The following GPT2 variants were observed in gnomAD, a reference collection of about 807,000 sequenced individuals.
The protein encoded by GPT2 is glutamic--pyruvic transaminase 2.
Under a neutral mutation model 56.9 loss-of-function variants are expected in GPT2, and 30 were observed. The ratio of observed to expected loss-of-function variants is 0.53; its 90% CI spans 0.39 to 0.72. The LOEUF is 0.72. Among genes scored for constraint, GPT2 ranks in the 30% least tolerant of loss-of-function variants. GPT2 has a pLI of 0.00. For missense variants in GPT2, 542 were observed against 703.4 expected (o/e 0.77, Z 2.60); for synonymous variants, 271 against 283.1 (o/e 0.96, Z 0.43).
chr16:46,897,749 C>CCAGG lies in GPT2; in HGVS notation c.333+13_333+16dup. ...CCTTCCTCCGGCAGGTGAGCCGCCC[C>CCAGG]CAGGAGCAGAGGCTGCAGGAGGGCA... On this transcript the variant is annotated intron_variant, in intron 3 of 11. Coordinates refer to ENST00000340124, the MANE Select transcript of GPT2 (RefSeq NM_133443.4). 6.2e-7 allele frequency: 1 copy of CCAGG among 1,613,432 alleles called. No homozygotes were observed. Among genetic ancestry groups the CCAGG allele is most frequent in the East Asian group, 2.2e-5 (1 of 44,872 alleles).
rs867285804 is a variant in GPT2, at chr16:46,900,575, G to A, written c.334-107G>A. 1.7e-4 allele frequency: 135 copies of A among 814,266 alleles called. 1 individual carries two copies. The Middle Eastern group carries it at 3.1e-3, about 19-fold the overall frequency. The allele number at this position is 814,266 out of a possible 1,614,324, so 50.4% of individuals were successfully genotyped here. A position where few individuals can be genotyped will look rare whatever the true frequency, so the allele number is the denominator to read the frequency against. On this transcript the variant is annotated intron_variant, in intron 3 of 11. Transcript: ENST00000340124. ...GCTGAGTCCTCGCAGAGAGGCTTGC[G>A]TCAGCCCCATCCCTGGGAGCTGTCA...
In GPT2 at chr16:46,930,652, A is replaced by G. The variant is rs1961526587; in HGVS notation, c.*1655A>G. 6.6e-6 allele frequency: 1 copy of G among 152,566 alleles called. No individual in the cohort carries two copies. The highest frequency in any genetic ancestry group is 1.5e-5 in the Non-Finnish European group (1 of 68,036). The allele number at this position is 152,566 out of a possible 1,614,324, so 9.5% of individuals were successfully genotyped here. On this transcript the variant is annotated 3_prime_UTR_variant, in exon 12 of 12. Transcript: ENST00000340124. Reference sequence around the variant, plus strand: ...AACCAGGATTAGTCCCAGGGTCGTGAGGTTTCTGGTGAAAAGGTTAAATCG... The same window carrying G: ...AACCAGGATTAGTCCCAGGGTCGTGGGGTTTCTGGTGAAAAGGTTAAATCG...
Position 46,929,870 on chromosome 16 carries a change from G to A in GPT2, c.*873G>A, listed in dbSNP as rs1306947121. On this transcript the variant is annotated 3_prime_UTR_variant, in exon 12 of 12. Coordinates refer to ENST00000340124, the MANE Select transcript of GPT2 (RefSeq NM_133443.4). ...GGGTGACCGGTGCCTGTTCTCCCCT[G>A]ACCGAGCCTGTGAGCACATCGCCCC... 1 of 152,468 alleles carries A rather than the reference G, an allele frequency of 6.6e-6. No individual in the cohort carries two copies. Among genetic ancestry groups the A allele is most frequent in the Admixed American group, 6.5e-5 (1 of 15,288 alleles). The allele number at this position is 152,468 out of a possible 1,614,324, so 9.4% of individuals were successfully genotyped here. A position where few individuals can be genotyped will look rare whatever the true frequency, so the allele number is the denominator to read the frequency against.
Position 46,900,701 on chromosome 16 carries a change from A to T in GPT2, c.353A>T (p.Tyr118Phe), listed in dbSNP as rs1208851534. ...FLRQVMALCT[Y>F]PNLLDSPSFP... ...CCCCAGGTGATGGCACTATGCACCT[A>T]CCCAAACCTGCTGGACAGCCCCAGC... is the stretch of plus-strand genomic sequence containing the variant. The change falls in exon 4 of 12, where the codon TAC (tyrosine) becomes TTC (phenylalanine). Residue 118 changes from tyrosine (Y) to phenylalanine (F), a missense_variant. Physicochemically the swap from Tyr to Phe is conservative, Grantham distance 22. Coordinates refer to ENST00000340124, the MANE Select transcript of GPT2 (RefSeq NM_133443.4). 6.2e-7 allele frequency: 1 copy of T among 1,613,842 alleles called. No homozygotes were observed. The highest frequency in any genetic ancestry group is 1.1e-5 in the South Asian group (1 of 91,082).
chr16:46,905,263 G>A (rs949797515), intron 4 of GPT2, among the ~76,000 whole-genome samples: 8 of 152,112 alleles, frequency 5.3e-5, no homozygotes, highest in Non-Finnish European at 1.0e-4. Flanking sequence ...TGGCCAGGCT[G>A]GTCTCGAACT....
chr16:46,886,337 C>T (rs955548831), intron 2 of GPT2, among the ~76,000 whole-genome samples: 1 of 152,186 alleles, frequency 6.6e-6, no homozygotes, highest in African/African-American at 2.4e-5. Flanking sequence ...CAGCTGATTT[C>T]TCTGGTTCCT....
chr16:46,906,117 A>C (rs773404764), intron 4 of GPT2, among the ~76,000 whole-genome samples: 31 of 152,164 alleles, frequency 2.0e-4, no homozygotes, highest in South Asian at 4.2e-4. Context: ...GTTTCACTCC[A>C]GGCTGGAGTG....
chr16:46,924,016 C>T (rs899226355), intron 9 of GPT2: 5 of 358,798 alleles, frequency 1.4e-5, no homozygotes, highest in Admixed American at 1.1e-4. Context: ...TGTCTGTGTG[C>T]CCCACACCCC....
At chr16:46,922,141 G>C in intron 8 of GPT2, 101 bp from the exon 9 acceptor site, 1 of 1,086,054 alleles carries the variant, frequency 9.2e-7, no homozygotes, top group Non-Finnish European at 1.4e-6. Flanking sequence ...CTGGCCATTT[G>C]GTGTTGGGTG....
intron 2 of GPT2, among the ~76,000 whole-genome samples, chr16:46,888,684 C>T (rs1344679632): frequency 8.5e-5 from 13 of 152,208 alleles, no homozygotes; most frequent in Admixed American, 3.3e-4. Context: ...GGGTCTCGCT[C>T]TATTGCCTAG....
chr16:46,926,191 G>T (rs181505176), intron 10 of GPT2, among the ~76,000 whole-genome samples: 17 of 149,900 alleles, frequency 1.1e-4, no homozygotes, highest in Admixed American at 3.3e-4. Flanking sequence ...GCTCACGCCT[G>T]TAATCCCAGC....
At chr16:46,915,469 C>T (rs1961130846) in intron 6 of GPT2, 3 of 150,302 alleles carry the variant, frequency 2.0e-5, no homozygotes, top group Non-Finnish European at 4.4e-5. Flanking sequence ...CCCCACCACA[C>T]CTGCACACAC....
At chr16:46,885,099 T>A in intron 2 of GPT2, 141 bp downstream of exon 2, 1 of 1,353,858 alleles carries the variant, frequency 7.4e-7, no homozygotes, top group Non-Finnish European at 9.5e-7. Context: ...AACGAGAGAA[T>A]GCCCCCTCCC....
At chr16:46,919,665 T>A (rs1387878838) in intron 8 of GPT2, among the ~76,000 whole-genome samples, 1 of 152,186 alleles carries the variant, frequency 6.6e-6, no homozygotes, top group Non-Finnish European at 1.5e-5. Context: ...CTTTGCTGAT[T>A]GTATTTTTCA....
Position 46,909,820 on chromosome 16 carries a change from A to G in GPT2, c.713A>G (p.Glu238Gly), listed in dbSNP as rs867187087. 1.2e-6 allele frequency: 2 copies of G among 1,614,152 alleles called. No homozygotes were observed. Among genetic ancestry groups the G allele is most frequent in the Middle Eastern group, 3.3e-4 (2 of 6,062 alleles). Reference protein sequence around the residue: ...AIQVNYYLDEENCWALNVNEL... With the variant: ...AIQVNYYLDEGNCWALNVNEL... Reference sequence around the variant, plus strand: ...CAGGTGAATTACTACCTGGACGAGGAGAACTGCTGGGCGCTGAATGTGAAT... The same window carrying G: ...CAGGTGAATTACTACCTGGACGAGGGGAACTGCTGGGCGCTGAATGTGAAT... The change falls in exon 6 of 12, where the codon GAG (glutamate) becomes GGG (glycine). Residue 238 changes from glutamate to glycine, a missense_variant. Physicochemically the swap from Glu to Gly is moderately conservative, Grantham distance 98. Transcript: ENST00000340124.
intron 6 of GPT2, chr16:46,916,011 C>T (rs1304887412): frequency 6.6e-6 from 1 of 151,356 alleles, no homozygotes; most frequent in Non-Finnish European, 1.5e-5. Context: ...CCCCACCACA[C>T]CTACAAATAC....
chr16:46,929,083 C>A lies in GPT2; in HGVS notation c.*86C>A. The stretch of plus-strand genomic sequence containing the variant: ...TGAACTCGCCTCCCCCGTGACTCTG[C>A]CTCGGGCCTCGCAGAGGCCGCTGGT... On this transcript the variant is annotated 3_prime_UTR_variant, in exon 12 of 12. Transcript: ENST00000340124. 9.7e-7 allele frequency: 1 copy of A among 1,032,012 alleles called. No individual in the cohort carries two copies. The highest frequency in any genetic ancestry group is 1.5e-6 in the Non-Finnish European group (1 of 659,236). The allele number at this position is 1,032,012 out of a possible 1,614,324, so 63.9% of individuals were successfully genotyped here.
Position 46,930,502 on chromosome 16 carries a change from C to T in GPT2, c.*1505C>T, listed in dbSNP as rs1257320611. The stretch of plus-strand genomic sequence containing the variant: ...ACAGAAACTCCCAACTGTCCTTACC[C>T]ACCGACATCACAGCCCCTATGAAGA... On this transcript the variant is annotated 3_prime_UTR_variant, in exon 12 of 12. Coordinates refer to ENST00000340124, the MANE Select transcript of GPT2 (RefSeq NM_133443.4). The T allele has an allele frequency of 6.6e-6, 1 of 152,234 alleles. No individual in the cohort carries two copies. The highest frequency in any genetic ancestry group is 1.5e-5 in the Non-Finnish European group (1 of 68,046). The allele number at this position is 152,234 out of a possible 1,614,324, so 9.4% of individuals were successfully genotyped here.
intron 2 of GPT2, among the ~76,000 whole-genome samples, chr16:46,888,770 C>T (rs1960531497): frequency 6.6e-6 from 1 of 152,156 alleles, no homozygotes; most frequent in South Asian, 2.1e-4. Flanking sequence ...CTACCTCAGT[C>T]TCCTGAGCAG....
Sources: gnomAD v4.1 joint callset for allele counts (sites outside exome capture counted in the v4.1 genomes callset) on GRCh38, gnomAD v4.1.1 for gene constraint, MANE v1.5 for transcripts, NCBI Gene and HGNC (gene_info 2026-07-23, HGNC 2026-07-21) for gene names.